The following PSMC5 variants were observed in gnomAD, a reference collection of about 807,000 sequenced individuals.
The protein encoded by PSMC5 is 26S proteasome regulatory subunit 8.
Under a neutral mutation model 49.1 loss-of-function variants are expected in PSMC5, and 11 were observed. The ratio of observed to expected loss-of-function variants is 0.22; its 90% CI spans 0.14 to 0.37. The LOEUF is 0.37. Ranked by LOEUF, PSMC5 falls within the 10% of genes least tolerant of loss-of-function variation. PSMC5 has a pLI of 1.00. For synonymous variants in PSMC5, 206 were observed against 192.2 expected (o/e 1.07, Z -0.59); for missense variants, 229 against 520.9 (o/e 0.44, Z 5.45).
chr17:63,831,248 G>A lies in PSMC5; in HGVS notation c.870+22G>A, dbSNP rs751645146. 7 of 1,599,948 alleles carry A rather than the reference G, an allele frequency of 4.4e-6. No homozygotes were observed. The highest frequency in any genetic ancestry group is 6.0e-6 in the Non-Finnish European group (7 of 1,170,900). On this transcript the variant is annotated intron_variant, in intron 8 of 11. Coordinates refer to ENST00000310144, the MANE Select transcript of PSMC5 (RefSeq NM_002805.6). This position sits in a 1 kb window ranked among gnomAD's most constrained non-coding sequence, Gnocchi z 6.3. ...CAAGGTAAGGTGGTAGCATCCTTGG[G>A]ATGGGCCCAGGGAAGGCCTGGGTGC...
intron 2 of PSMC5, 135 bp from the exon 3 acceptor site, chr17:63,829,359 G>A: frequency 1.3e-6 from 1 of 751,182 alleles, no homozygotes; most frequent in Non-Finnish European, 2.3e-6. Flanking sequence ...GGATCATACT[G>A]GAGAATCTGA....
At chr17:63,829,363 A>G in intron 2 of PSMC5, 131 bp from the exon 3 acceptor site, 1 of 763,952 alleles carries the variant, frequency 1.3e-6, no homozygotes, top group Non-Finnish European at 2.2e-6. Flanking sequence ...CATACTGGAG[A>G]ATCTGAAACA....
intron 3 of PSMC5, 143 bp from the exon 4 acceptor site, chr17:63,829,709 C>T (rs1423427412): frequency 1.7e-6 from 2 of 1,185,662 alleles, no homozygotes; most frequent in South Asian, 1.4e-5. Context: ...TTTCCTGAGC[C>T]CTATTGTAGC....
chr17:63,827,483 G>A lies in PSMC5; in HGVS notation c.-8G>A, dbSNP rs780316085. On this transcript the variant is annotated 5_prime_UTR_variant, in exon 1 of 12. Coordinates refer to ENST00000310144, the MANE Select transcript of PSMC5 (RefSeq NM_002805.6). Reference sequence around the variant, plus strand: ...TCGGATGCCGGCGGTCTCTGCTGAAGAGAGAAGATGGCGCTTGACGGACCA... The same window carrying A: ...TCGGATGCCGGCGGTCTCTGCTGAAAAGAGAAGATGGCGCTTGACGGACCA... The A allele has an allele frequency of 5.8e-6, 9 of 1,551,744 alleles. No individual in the cohort carries two copies. Among genetic ancestry groups the A allele is most frequent in the South Asian group, 1.2e-5 (1 of 84,068 alleles).
rs1159503246 is a variant in PSMC5 at position 63,831,617 on chromosome 17, GTAAT to G, written c.1080+3_1080+6del. 3 of 1,614,058 alleles carry G rather than the reference GTAAT, an allele frequency of 1.9e-6. No individual in the cohort carries two copies. The highest frequency in any genetic ancestry group is 2.5e-6 in the Non-Finnish European group (3 of 1,179,918). Reference sequence around the variant, plus strand: ...AGGAGCATCAGGGGCTGAAGTGAAGGTAATTGGAGTACCCACTGAAAACAGGGCA... The same window carrying G: ...AGGAGCATCAGGGGCTGAAGTGAAGGTGGAGTACCCACTGAAAACAGGGCA... On this transcript the variant is annotated splice_donor_variant and splice_donor_5th_base_variant and intron_variant, in intron 10 of 11. Transcript: ENST00000310144. LOFTEE classifies it high-confidence loss of function. This position sits in a 1 kb window ranked among gnomAD's most constrained non-coding sequence, Gnocchi z 6.3.
At chr17:63,828,475 A>G in intron 2 of PSMC5, 1 of 341,784 alleles carries the variant, frequency 2.9e-6, no homozygotes, top group South Asian at 4.9e-5. Flanking sequence ...CCTCTAGCCA[A>G]AGGTCAACCC....
intron 1 of PSMC5, chr17:63,827,744 C>A (rs1352187233): frequency 1.4e-6 from 2 of 1,431,752 alleles, no homozygotes; most frequent in African/African-American, 2.9e-5. Flanking sequence ...GTGAGGGAAG[C>A]GATGGGCGCG....
chr17:63,830,782 G>T lies in PSMC5; in HGVS notation c.553-27G>T, dbSNP rs958387934. 1 of 1,613,150 alleles carries T rather than the reference G, an allele frequency of 6.2e-7. No homozygotes were observed. The highest frequency in any genetic ancestry group is 1.3e-5 in the African/African-American group (1 of 74,874). ...AATGAAATGAGGGGTGTAGCTTTCT[G>T]CCCTGAGTCCTGCTGTTCCCCTGTA... On this transcript the variant is annotated intron_variant, in intron 6 of 11. Transcript: ENST00000310144. The surrounding 1 kb of genome is among the most constrained non-coding windows in gnomAD (Gnocchi z 4.0).
At chr17:63,827,612 G>A in intron 1 of PSMC5, 98 bp downstream of exon 1, 1 of 1,548,700 alleles carries the variant, frequency 6.5e-7, no homozygotes, top group Non-Finnish European at 8.7e-7. Context: ...GCGTCGGGTG[G>A]GTCGGAGGTG....
Position 63,830,634 on chromosome 17 carries a change from G to A in PSMC5, c.552+133G>A. The A allele has an allele frequency of 1.3e-6, 2 of 1,482,072 alleles. No homozygotes were observed. The highest frequency in any genetic ancestry group is 1.3e-5 in the South Asian group (1 of 75,300). 91.8% of individuals were successfully genotyped at this position (1,482,072 alleles called of 1,614,324 possible). A position where few individuals can be genotyped will look rare whatever the true frequency, so the allele number is the denominator to read the frequency against. On this transcript the variant is annotated intron_variant, in intron 6 of 11. Coordinates refer to ENST00000310144, the MANE Select transcript of PSMC5 (RefSeq NM_002805.6). The surrounding 1 kb of genome is among the most constrained non-coding windows in gnomAD (Gnocchi z 4.0). Reference sequence around the variant, plus strand: ...TGGGCTGGCCCTCCCCCTGAAAAGAGTGGCTGGGGAAGTGTTCCTAGGGCG... The same window carrying A: ...TGGGCTGGCCCTCCCCCTGAAAAGAATGGCTGGGGAAGTGTTCCTAGGGCG...
At position 63,830,260 on chromosome 17, in the gene PSMC5, C is replaced by T. The variant is rs750068237; in HGVS notation, c.322-11C>T. 4.2e-5 allele frequency: 68 copies of T among 1,613,984 alleles called. No homozygotes were observed. The highest frequency in any genetic ancestry group is 5.3e-5 in the Non-Finnish European group (63 of 1,180,012). ...ACTGTACCACTTCTGAAACTCGCCCCCTTCACCCAGGTGACACCCAATTGC... is the reference window on the plus strand; with the variant it reads ...ACTGTACCACTTCTGAAACTCGCCCTCTTCACCCAGGTGACACCCAATTGC... On this transcript the variant is annotated splice_polypyrimidine_tract_variant and intron_variant, in intron 5 of 11. Transcript: ENST00000310144. The surrounding 1 kb of genome is among the most constrained non-coding windows in gnomAD (Gnocchi z 4.0).
At position 63,827,892 on chromosome 17, in the gene PSMC5, T is replaced by C. The variant is rs139627174; in HGVS notation, c.25-246T>C. On this transcript the variant is annotated intron_variant, in intron 1 of 11. Transcript: ENST00000310144. The stretch of plus-strand genomic sequence containing the variant: ...CAAAGCGCCCCCCGTCTATATCATA[T>C]CGCCTCTCGGTCCTCCTAAAAGTCG... 151 of 1,420,172 alleles carry C rather than the reference T, an allele frequency of 1.1e-4. 2 individuals are homozygous for C. The African/African-American group carries it at 1.7e-3, about 16-fold the overall frequency. 88.0% of individuals were successfully genotyped at this position (1,420,172 alleles called of 1,614,324 possible). A position where few individuals can be genotyped will look rare whatever the true frequency, so the allele number is the denominator to read the frequency against.
chr17:63,827,792 C>A, intron 1 of PSMC5: 1 of 1,430,820 alleles, frequency 7.0e-7, no homozygotes, highest in Non-Finnish European at 9.1e-7. Context: ...GACGGGACGC[C>A]AGTCCTTTGG....
In PSMC5 at chr17:63,830,288, G is replaced by C. The variant is rs141233223; in HGVS notation, c.339G>C (p.Arg113=). ...TCACCCAGGTGACACCCAATTGCCG[G>C]GTGGCTCTAAGGAATGACAGCTACA... ...IDINDVTPNC[R]VALRNDSYTL... is the part of the protein sequence containing the mutation. Residue 113 remains arginine (R), a synonymous_variant, in exon 6 of 12, where the codon CGG becomes CGC. Transcript: ENST00000310144. This position sits in a 1 kb window ranked among gnomAD's most constrained non-coding sequence, Gnocchi z 4.0. 1 of 1,613,986 alleles carries C rather than the reference G, an allele frequency of 6.2e-7. No homozygotes were observed. Among genetic ancestry groups the C allele is most frequent in the African/African-American group, 1.3e-5 (1 of 74,872 alleles).
At chr17:63,828,092 C>G (rs750756034) in intron 1 of PSMC5, 46 bp from the exon 2 acceptor site, 19 of 1,608,334 alleles carry the variant, frequency 1.2e-5, no homozygotes, top group Admixed American at 1.7e-5. Context: ...GGCTTTACCC[C>G]CTCGGATGTT....
In PSMC5 at chr17:63,831,676, C is replaced by A; in HGVS notation, c.1081-48C>A. On this transcript the variant is annotated intron_variant, in intron 10 of 11. Coordinates refer to ENST00000310144, the MANE Select transcript of PSMC5 (RefSeq NM_002805.6). The surrounding 1 kb of genome is among the most constrained non-coding windows in gnomAD (Gnocchi z 6.3). ...CAGGAAGCTCTGGGCTCAAGGGCCACAGATGAGGGGCACAGCAGTGGGGCC... is the reference window on the plus strand; with the variant it reads ...CAGGAAGCTCTGGGCTCAAGGGCCAAAGATGAGGGGCACAGCAGTGGGGCC... 6.2e-7 allele frequency: 1 copy of A among 1,613,328 alleles called. No individual in the cohort carries two copies. Among genetic ancestry groups the A allele is most frequent in the East Asian group, 2.2e-5 (1 of 44,870 alleles).
rs1430764384 is a variant in PSMC5 at position 63,830,426 on chromosome 17, G to A, written c.477G>A (p.Lys159=). 7 of 1,614,202 alleles carry A rather than the reference G, an allele frequency of 4.3e-6. No individual in the cohort carries two copies. Among genetic ancestry groups the A allele is most frequent in the Middle Eastern group, 1.6e-4 (1 of 6,062 alleles). Residue 159 remains lysine (K), a synonymous_variant, in exon 6 of 12, where the codon AAG becomes AAA. Transcript: ENST00000310144. This position sits in a 1 kb window ranked among gnomAD's most constrained non-coding sequence, Gnocchi z 4.0. ...TTGGTGGACTGGACAAACAGATCAA[G>A]GAGATCAAAGAAGTGATCGAGCTGC... ...EMIGGLDKQI[K]EIKEVIELPV...
chr17:63,831,987 G>T lies in PSMC5; in HGVS notation c.*18G>T, dbSNP rs969641118. 1.2e-6 allele frequency: 2 copies of T among 1,610,266 alleles called. No individual in the cohort carries two copies. The highest frequency in any genetic ancestry group is 1.7e-5 in the Admixed American group (1 of 59,992). ...GGAAGTGAGTGGACAGCCTTTGTGT[G>T]TATCTCTCCAATAAAGCTCTGTGGG... On this transcript the variant is annotated 3_prime_UTR_variant, in exon 12 of 12. Transcript: ENST00000310144. This position sits in a 1 kb window ranked among gnomAD's most constrained non-coding sequence, Gnocchi z 6.3.
rs1453172419 is a variant in PSMC5, at chr17:63,828,351, G to A, written c.96+142G>A. The A allele has an allele frequency of 4.8e-5, 37 of 764,752 alleles. No individual in the cohort carries two copies. The East Asian group carries it at 7.6e-4, about 16-fold the overall frequency. 47.4% of individuals were successfully genotyped at this position (764,752 alleles called of 1,614,324 possible). A position where few individuals can be genotyped will look rare whatever the true frequency, so the allele number is the denominator to read the frequency against. ...TCTTGTTTGTTTCTTAGCTAGTAGGGTGTATGTATCAGAAGTAAGCAATCT... is the reference window on the plus strand; with the variant it reads ...TCTTGTTTGTTTCTTAGCTAGTAGGATGTATGTATCAGAAGTAAGCAATCT... On this transcript the variant is annotated intron_variant, in intron 2 of 11. Coordinates refer to ENST00000310144, the MANE Select transcript of PSMC5 (RefSeq NM_002805.6).
Sources: gnomAD v4.1 joint callset for allele counts on GRCh38, gnomAD v4.1.1 for gene constraint, Gnocchi (gnomAD v3.1) non-coding constraint, MANE v1.5 for transcripts, NCBI Gene and HGNC (gene_info 2026-07-23, HGNC 2026-07-21) for gene names.